The following FARS2 variants were observed in gnomAD, a reference collection of about 807,000 sequenced individuals.
The protein encoded by FARS2 is phenylalanine--tRNA ligase, mitochondrial.
Under a neutral mutation model 46.4 loss-of-function variants are expected in FARS2, and 40 were observed. The ratio of observed to expected loss-of-function variants is 0.86; its 90% CI spans 0.67 to 1.12. FARS2 has a LOEUF of 1.12. Among genes scored for constraint, FARS2 ranks in the 50% most tolerant of loss-of-function variants. The pLI is 0.00. For missense variants in FARS2, 513 were observed against 567.9 expected, an observed-to-expected ratio of 0.90 and a Z score of 0.98; for synonymous variants, 234 against 214.9, an observed-to-expected ratio of 1.09 and a Z score of -0.78.
rs186618094 is a variant in FARS2, at chr6:5,332,377, C to T, written c.-21-36173C>T. On this transcript the variant is annotated intron_variant, in intron 1 of 6. Coordinates refer to ENST00000274680, the MANE Select transcript of FARS2 (RefSeq NM_006567.5). ...CATGACATTAGGCTGGCAATAGTTTCCTGCCAATATATGAAGTGCTAAGAA... is the reference window on the plus strand; with the variant it reads ...CATGACATTAGGCTGGCAATAGTTTTCTGCCAATATATGAAGTGCTAAGAA... Among the ~76,000 whole-genome samples, 8 of 152,254 alleles carry T rather than the reference C, an allele frequency of 5.3e-5. No individual in the cohort carries two copies. The East Asian group carries it at 1.5e-3, about 29-fold the overall frequency.
At chr6:5,700,829 G>A (rs1016016291) in intron 6 of FARS2, among the ~76,000 whole-genome samples, 2 of 152,166 alleles carry the variant, frequency 1.3e-5, no homozygotes, top group South Asian at 2.1e-4. Flanking sequence ...CACGTGGGCC[G>A]CGCTCTGCTG....
At chr6:5,756,287 A>G (rs1762200918) in intron 6 of FARS2, among the ~76,000 whole-genome samples, 1 of 152,160 alleles carries the variant, frequency 6.6e-6, no homozygotes, top group Non-Finnish European at 1.5e-5. Flanking sequence ...TCAGCTACCT[A>G]CTTTTTTATA....
intron 5 of FARS2, among the ~76,000 whole-genome samples, chr6:5,568,157 T>G (rs71557571): frequency 6.6e-6 from 1 of 152,186 alleles, no homozygotes; most frequent in African/African-American, 2.4e-5. Flanking sequence ...TCTCTTGCTG[T>G]TTTTCTCTAT....
intron 6 of FARS2, among the ~76,000 whole-genome samples, chr6:5,663,219 C>T (rs867547280): frequency 2.0e-5 from 3 of 152,314 alleles, no homozygotes; most frequent in African/African-American, 7.2e-5. Flanking sequence ...ACTCCCTTTG[C>T]ATTAAAAACA....
At chr6:5,639,580 C>T (rs1776709037) in intron 6 of FARS2, among the ~76,000 whole-genome samples, 1 of 152,138 alleles carries the variant, frequency 6.6e-6, no homozygotes, top group Non-Finnish European at 1.5e-5. Flanking sequence ...CTATGGGAAA[C>T]TCTGGTGCCT....
intron 6 of FARS2, among the ~76,000 whole-genome samples, chr6:5,746,643 T>C (rs1257397234): frequency 9.0e-6 from 1 of 111,308 alleles, no homozygotes; most frequent in East Asian, 2.5e-4. Flanking sequence ...GAAAGCAGGG[T>C]GGAGAATAGG....
intron 3 of FARS2, among the ~76,000 whole-genome samples, chr6:5,412,189 G>T (rs1008242632): frequency 6.6e-6 from 1 of 152,154 alleles, no homozygotes; most frequent in African/African-American, 2.4e-5. Context: ...ATTGCCGATC[G>T]CCTGCAGCTG....
At chr6:5,372,457 C>T (rs1759121656) in intron 2 of FARS2, among the ~76,000 whole-genome samples, 2 of 152,106 alleles carry the variant, frequency 1.3e-5, no homozygotes, top group African/African-American at 4.8e-5. Context: ...CTAAAAATTA[C>T]TTATGCATTA....
chr6:5,444,534 G>T (rs1395419548), intron 4 of FARS2, among the ~76,000 whole-genome samples: 2 of 147,044 alleles, frequency 1.4e-5, no homozygotes, highest in Non-Finnish European at 3.0e-5. Flanking sequence ...TTAGTGCCAG[G>T]TGTCTGAATT....
At chr6:5,539,551 A>ATAAACCAG (rs1770482114) in intron 4 of FARS2, among the ~76,000 whole-genome samples, 1 of 151,768 alleles carries the variant, frequency 6.6e-6, no homozygotes, top group African/African-American at 2.4e-5. Flanking sequence ...TACATTTCTA[A>ATAAACCAG]TAAACCAGCT....
chr6:5,450,473 C>T (rs544771275), intron 4 of FARS2, among the ~76,000 whole-genome samples: 8 of 151,628 alleles, frequency 5.3e-5, no homozygotes, highest in Admixed American at 1.3e-4. Context: ...TCCCCCATGC[C>T]GTTGTAGTGT....
chr6:5,539,835 C>G (rs1770506580), intron 4 of FARS2, among the ~76,000 whole-genome samples: 1 of 152,128 alleles, frequency 6.6e-6, no homozygotes, highest in Non-Finnish European at 1.5e-5. Context: ...TGCAGCTTAC[C>G]TCGTCACACA....
chr6:5,702,173 T>C (rs1582797047), intron 6 of FARS2, among the ~76,000 whole-genome samples: 1 of 152,340 alleles, frequency 6.6e-6, no homozygotes, highest in Middle Eastern at 3.4e-3. Context: ...GCCAATGATA[T>C]GTATCTTTTT....
chr6:5,609,818 T>C, intron 5 of FARS2: 1 of 1,172,372 alleles, frequency 8.5e-7, no homozygotes, highest in Non-Finnish European at 1.3e-6. Flanking sequence ...CTGTTCAAAA[T>C]AATCTCTTCA....
At chr6:5,309,950 C>T (rs1006457011) in intron 1 of FARS2, among the ~76,000 whole-genome samples, 9 of 152,094 alleles carry the variant, frequency 5.9e-5, no homozygotes, top group African/African-American at 2.2e-4. Context: ...ATGTTAGATA[C>T]ATTATGAAGC....
intron 1 of FARS2, among the ~76,000 whole-genome samples, chr6:5,299,256 C>G (rs1768114122): frequency 6.6e-6 from 1 of 152,186 alleles, no homozygotes; most frequent in Non-Finnish European, 1.5e-5. Flanking sequence ...TTTAGACTGT[C>G]ATCTCCTCTG....
intron 6 of FARS2, among the ~76,000 whole-genome samples, chr6:5,714,815 A>G (rs1759395327): frequency 6.6e-6 from 1 of 152,102 alleles, no homozygotes; most frequent in Admixed American, 6.5e-5. Context: ...ACCTGAGGTC[A>G]GGAGTTCGAG....
At chr6:5,362,056 T>C (rs1758338882) in intron 1 of FARS2, among the ~76,000 whole-genome samples, 1 of 152,092 alleles carries the variant, frequency 6.6e-6, no homozygotes, top group Non-Finnish European at 1.5e-5. Context: ...ATAATCCAAA[T>C]GTGATCCATG....
At chr6:5,300,160 T>C (rs1768194951) in intron 1 of FARS2, among the ~76,000 whole-genome samples, 1 of 152,166 alleles carries the variant, frequency 6.6e-6, no homozygotes, top group South Asian at 2.1e-4. Flanking sequence ...TGTGTATCTC[T>C]TAGAGCCCTC....
Sources: gnomAD v4.1 joint callset for allele counts (sites outside exome capture counted in the v4.1 genomes callset) on GRCh38, gnomAD v4.1.1 for gene constraint, MANE v1.5 for transcripts, NCBI Gene and HGNC (gene_info 2026-07-23, HGNC 2026-07-21) for gene names.